Variants in VPS35L observed in about 807,000 individuals in gnomAD.
The protein encoded by VPS35L is VPS35 endosomal protein-sorting factor-like.
VPS35L carries 83 observed loss-of-function variants against 133.0 expected under a neutral mutation model. The observed-to-expected ratio is 0.62, with a 90% CI of 0.52 to 0.75. The LOEUF is 0.75. Among genes scored for constraint, VPS35L ranks in the 30% least tolerant of loss-of-function variants. The pLI is 0.00. For synonymous variants in VPS35L, 423 were observed against 449.9 expected (o/e 0.94, Z 0.76); for missense variants, 1,083 against 1,206.8 (o/e 0.90, Z 1.52).
In VPS35L at chr16:19,555,846, TG is replaced by T. The variant is rs2151493128; in HGVS notation, c.17+102del. On this transcript the variant is annotated intron_variant, in intron 1 of 30. Transcript: ENST00000417362. Reference sequence around the variant, plus strand: ...GTGTGAATTCCTCTCTGTCGGGTTCTGGTGGTCGACCGGCCACCCCCAAGTT... The same window carrying T: ...GTGTGAATTCCTCTCTGTCGGGTTCTGTGGTCGACCGGCCACCCCCAAGTT... 4 of 1,474,090 alleles carry T rather than the reference TG, an allele frequency of 2.7e-6. No homozygotes were observed. In the East Asian group the frequency reaches 9.3e-5, roughly 34 times the overall value. 91.3% of individuals were successfully genotyped at this position (1,474,090 alleles called of 1,614,324 possible). A position where few individuals can be genotyped will look rare whatever the true frequency, so the allele number is the denominator to read the frequency against.
At chr16:19,689,442 T>C (rs1975590438) in intron 28 of VPS35L, among the ~76,000 whole-genome samples, 1 of 151,922 alleles carries the variant, frequency 6.6e-6, no homozygotes, top group African/African-American at 2.4e-5. Context: ...AGCTGATTTT[T>C]TGTATTTTTG....
intron 3 of VPS35L, among the ~76,000 whole-genome samples, chr16:19,571,327 C>T (rs1971378135): frequency 6.6e-6 from 1 of 152,104 alleles, no homozygotes; most frequent in Non-Finnish European, 1.5e-5. Flanking sequence ...AACAATCCCC[C>T]TGCCTCAGCC....
chr16:19,592,101 G>A (rs1215279649), intron 8 of VPS35L, among the ~76,000 whole-genome samples: 1 of 151,154 alleles, frequency 6.6e-6, no homozygotes, highest in African/African-American at 2.4e-5. Flanking sequence ...TTGAGTCAGG[G>A]TCTTGCTCTG....
At chr16:19,674,184 C>CTTTTTCTTTTTTTTTTTTT (rs1555507022) in intron 27 of VPS35L, among the ~76,000 whole-genome samples, 11 of 70,908 alleles carry the variant, frequency 1.6e-4, no homozygotes, top group African/African-American at 6.2e-4. Flanking sequence ...TTTTCTTTTT[C>CTTTTTCTTTTTTTTTTTTT]TTTTTTTTTT....
chr16:19,678,825 T>C (rs9936712), intron 27 of VPS35L, among the ~76,000 whole-genome samples: 13,907 of 151,870 alleles, frequency 0.092, 871 homozygotes, highest in East Asian at 0.21. Flanking sequence ...GAAGCATGGA[T>C]GTCACATGGG....
intron 8 of VPS35L, among the ~76,000 whole-genome samples, chr16:19,598,900 T>A (rs1972295883): frequency 6.6e-6 from 1 of 152,208 alleles, no homozygotes; most frequent in Non-Finnish European, 1.5e-5. Flanking sequence ...TGTGCTGGGT[T>A]CATTCTGTGC....
chr16:19,573,307 T>G (rs1971440566), intron 4 of VPS35L, 66 bp downstream of exon 4: 1 of 1,514,484 alleles, frequency 6.6e-7, no homozygotes, highest in Non-Finnish European at 9.0e-7. Context: ...TTTGTTATGT[T>G]GCTTCAACTC....
intron 5 of VPS35L, chr16:19,578,162 T>G: frequency 2.4e-6 from 1 of 422,660 alleles, no homozygotes; most frequent in Non-Finnish European, 4.6e-6. Context: ...CCTGCTCTTG[T>G]GCTACAACAG....
chr16:19,644,922 A>G lies in VPS35L; in HGVS notation c.1902A>G (p.Ser634=). 2 of 1,601,648 alleles carry G rather than the reference A, an allele frequency of 1.2e-6. No homozygotes were observed. Among genetic ancestry groups the G allele is most frequent in the Non-Finnish European group, 1.7e-6 (2 of 1,169,352 alleles). ...TTGAGGATGAGAAAAGAATGCTGTC[A>G]TATTTGATTAATGGATTTATAAAAA... is the stretch of plus-strand genomic sequence containing the variant. ...LTLEDEKRML[S]YLINGFIKMV... Residue 634 remains serine, a synonymous_variant, in exon 23 of 31, where the codon TCA becomes TCG. Coordinates refer to ENST00000417362, the MANE Select transcript of VPS35L (RefSeq NM_020314.7).
intron 26 of VPS35L, among the ~76,000 whole-genome samples, chr16:19,656,477 T>C (rs927008739): frequency 6.6e-6 from 1 of 151,496 alleles, no homozygotes; most frequent in Non-Finnish European, 1.5e-5. Context: ...AATGTTGGGA[T>C]GAGGCCCTAA....
intron 3 of VPS35L, among the ~76,000 whole-genome samples, chr16:19,570,816 T>C (rs1971337017): frequency 7.7e-6 from 1 of 130,212 alleles, no homozygotes; most frequent in Admixed American, 8.3e-5. Context: ...CTCTCGATCA[T>C]CATCCTATGC....
intron 28 of VPS35L, among the ~76,000 whole-genome samples, chr16:19,688,509 A>G (rs1477846818): frequency 2.0e-5 from 3 of 152,220 alleles, no homozygotes; most frequent in South Asian, 4.1e-4. Context: ...AGGCACAGGC[A>G]TGGCTCTTGG....
chr16:19,649,659 TGGTGCACCGTTTG>T lies in VPS35L; in HGVS notation c.2029-720_2029-708del, dbSNP rs1974064405. Among the ~76,000 whole-genome samples, 4 of 152,352 alleles carry T rather than the reference TGGTGCACCGTTTG, an allele frequency of 2.6e-5. No homozygotes were observed. In the South Asian group the frequency reaches 8.3e-4, roughly 32 times the overall value. On this transcript the variant is annotated intron_variant, in intron 24 of 30. Transcript: ENST00000417362. ...TTTGCTGCAGCACCCCAGGGTGCCATGGTGCACCGTTTGGGAACCACAGGTCCAAACTTTTTAT... is the reference window on the plus strand; with the variant it reads ...TTTGCTGCAGCACCCCAGGGTGCCATGGAACCACAGGTCCAAACTTTTTAT...
At chr16:19,608,423 C>A (rs917951112) in intron 10 of VPS35L, 149 bp downstream of exon 10, 44 of 628,804 alleles carry the variant, frequency 7.0e-5, no homozygotes, top group Admixed American at 5.6e-5. Flanking sequence ...ACATACAGGG[C>A]AAGCCACATT....
chr16:19,576,282 C>T (rs963277456), intron 5 of VPS35L, among the ~76,000 whole-genome samples: 1 of 151,956 alleles, frequency 6.6e-6, no homozygotes, highest in Non-Finnish European at 1.5e-5. Flanking sequence ...CCCTCACCAA[C>T]TGGGTTTTAG....
At chr16:19,640,154 C>T (rs1016123610) in intron 21 of VPS35L, 54 bp downstream of exon 21, 2 of 1,520,094 alleles carry the variant, frequency 1.3e-6, no homozygotes, top group Non-Finnish European at 1.8e-6. Context: ...CTTGTGAAAC[C>T]TGTTGATAAA....
chr16:19,642,083 G>A (rs1293978523), intron 21 of VPS35L, among the ~76,000 whole-genome samples: 1 of 152,158 alleles, frequency 6.6e-6, no homozygotes, highest in Non-Finnish European at 1.5e-5. Flanking sequence ...GGTGACGCAC[G>A]TATGTAATCC....
chr16:19,613,465 G>C (rs184419330), intron 12 of VPS35L, among the ~76,000 whole-genome samples: 2 of 152,304 alleles, frequency 1.3e-5, no homozygotes, highest in Admixed American at 6.5e-5. Context: ...GCCCTCAAAG[G>C]GTGCTGTCAA....
chr16:19,579,148 A>C lies in VPS35L; in HGVS notation c.510+20A>C, dbSNP rs1487622124. 1.9e-6 allele frequency: 3 copies of C among 1,610,320 alleles called. No homozygotes were observed. Among genetic ancestry groups the C allele is most frequent in the East Asian group, 4.5e-5 (2 of 44,800 alleles). ...GAGGAGGTGAGCAAGTCATTTGTGG[A>C]ATACAGGGAGTGGGAGAGCTTTTCC... On this transcript the variant is annotated intron_variant, in intron 6 of 30. Transcript: ENST00000417362.
Sources: gnomAD v4.1 joint callset for allele counts (sites outside exome capture counted in the v4.1 genomes callset) on GRCh38, gnomAD v4.1.1 for gene constraint, MANE v1.5 for transcripts, NCBI Gene and HGNC (gene_info 2026-07-23, HGNC 2026-07-21) for gene names.